ADGRV1: variants seen among roughly 807,000 people sequenced by gnomAD.
ADGRV1 encodes the protein G-protein coupled receptor 98.
A neutral mutation model predicts 596.2 loss-of-function variants in ADGRV1; 359 were observed. That is an observed-to-expected ratio of 0.60 (90% CI 0.55 to 0.66). ADGRV1 has a LOEUF of 0.66. Ranked by LOEUF, ADGRV1 falls within the 30% of genes least tolerant of loss-of-function variation. The pLI, the probability that ADGRV1 is intolerant of heterozygous loss-of-function variation, is 0.00. For synonymous variants in ADGRV1, 2,681 were observed against 2,679.2 expected, an observed-to-expected ratio of 1.00 and a Z score of -0.02; for missense variants, 7,274 against 7,575.6, an observed-to-expected ratio of 0.96 and a Z score of 1.48.
chr5:90,624,614 CATTT>C (rs1454519402), intron 5 of ADGRV1, among the ~76,000 whole-genome samples: 1 of 152,132 alleles, frequency 6.6e-6, no homozygotes, highest in Non-Finnish European at 1.5e-5. Flanking sequence ...CATACCCATT[CATTT>C]ATTTATCATT....
intron 70 of ADGRV1, chr5:90,793,243 T>G (rs994112978): frequency 6.6e-6 from 1 of 152,244 alleles, no homozygotes; most frequent in Non-Finnish European, 1.5e-5. Flanking sequence ...CAGAGTATCA[T>G]TGTATCAAGT....
chr5:90,677,764 C>T (rs563353395), intron 25 of ADGRV1, among the ~76,000 whole-genome samples: 2 of 152,168 alleles, frequency 1.3e-5, no homozygotes, highest in Admixed American at 1.3e-4. Context: ...CTTGCAGTTG[C>T]GTAGGAAGCA....
At chr5:90,686,753 T>A (rs926624104) in intron 29 of ADGRV1, among the ~76,000 whole-genome samples, 9 of 152,178 alleles carry the variant, frequency 5.9e-5, no homozygotes, top group African/African-American at 2.2e-4. Flanking sequence ...CTGGGTCAGA[T>A]GGTATTTCTA....
At chr5:91,026,960 G>A (rs2151209341) in intron 85 of ADGRV1, among the ~76,000 whole-genome samples, 1 of 151,974 alleles carries the variant, frequency 6.6e-6, no homozygotes, top group South Asian at 2.1e-4. Flanking sequence ...GGGCTAACAT[G>A]GAAAAACTCC....
intron 22 of ADGRV1, 131 bp downstream of exon 22, chr5:90,672,853 C>T: frequency 1.5e-6 from 1 of 655,152 alleles, no homozygotes; most frequent in Non-Finnish European, 2.5e-6. Context: ...GTAACTGATA[C>T]ATTAGAATTT....
intron 77 of ADGRV1, among the ~76,000 whole-genome samples, chr5:90,834,380 T>C (rs1764779395): frequency 6.6e-6 from 1 of 152,178 alleles, no homozygotes; most frequent in African/African-American, 2.4e-5. Flanking sequence ...GTCTTTCTCC[T>C]TCATGTTTGA....
intron 52 of ADGRV1, among the ~76,000 whole-genome samples, chr5:90,748,724 T>C (rs1439690133): frequency 6.6e-6 from 1 of 152,118 alleles, no homozygotes; most frequent in Non-Finnish European, 1.5e-5. Flanking sequence ...GATGGAAAAT[T>C]GCAGCTCCCC....
chr5:90,688,719 T>G (rs1746044153), intron 29 of ADGRV1, among the ~76,000 whole-genome samples: 1 of 152,200 alleles, frequency 6.6e-6, no homozygotes, highest in Non-Finnish European at 1.5e-5. Flanking sequence ...ATGACCAAAA[T>G]ATGCACAAAT....
At chr5:90,823,234 A>G (rs1763756761) in intron 75 of ADGRV1, among the ~76,000 whole-genome samples, 191 bp from the exon 76 acceptor site, 1 of 152,220 alleles carries the variant, frequency 6.6e-6, no homozygotes. Context: ...CTGAGGCTTA[A>G]TCCTCTTATC....
intron 1 of ADGRV1, among the ~76,000 whole-genome samples, chr5:90,588,861 T>G (rs1231099567): frequency 6.6e-6 from 1 of 152,128 alleles, no homozygotes; most frequent in Non-Finnish European, 1.5e-5. Flanking sequence ...AAGTGAGAAG[T>G]TGAAGTAAAC....
At position 90,692,686 on chromosome 5, in the gene ADGRV1, A is replaced by G; in HGVS notation, c.7033A>G (p.Asn2345Asp). The G allele has an allele frequency of 6.2e-7, 1 of 1,611,484 alleles. No homozygotes were observed. The highest frequency in any genetic ancestry group is 2.2e-5 in the East Asian group (1 of 44,808). ...AATTGCAAATATTATTATTCCTGCCAATGATGATCCTTATGGTACAGTAGC... is the reference window on the plus strand; with the variant it reads ...AATTGCAAATATTATTATTCCTGCCGATGATGATCCTTATGGTACAGTAGC... ...DRIANIIIPA[N>D]DDPYGTVAFA... is the part of the protein sequence containing the mutation. The change falls in exon 32 of 90, where the codon AAT (asparagine) becomes GAT (aspartate). Residue 2345 changes from asparagine to aspartate, a missense_variant. This residue lies in a region of ADGRV1 where 3,643 missense variants were observed against 3,809.2 expected (regional missense o/e 0.96). Transcript: ENST00000405460.
chr5:91,103,866 G>C (rs538378994), intron 87 of ADGRV1, among the ~76,000 whole-genome samples: 2 of 152,288 alleles, frequency 1.3e-5, no homozygotes, highest in South Asian at 4.1e-4. Flanking sequence ...AGCCAAGGCT[G>C]CAAGAAGGGA....
chr5:90,721,459 G>C (rs973487318), intron 45 of ADGRV1, among the ~76,000 whole-genome samples: 2 of 150,222 alleles, frequency 1.3e-5, no homozygotes, highest in Non-Finnish European at 2.9e-5. Flanking sequence ...AGCCGAGATC[G>C]TGCCACTGCA....
In ADGRV1 at chr5:91,102,200, CTT is replaced by C. The variant is rs140911567; in HGVS notation, c.18311-10_18311-9del. 2.1e-6 allele frequency: 3 copies of C among 1,414,700 alleles called. No homozygotes were observed. The highest frequency in any genetic ancestry group is 2.6e-5 in the South Asian group (2 of 76,148). 87.6% of individuals were successfully genotyped at this position (1,414,700 alleles called of 1,614,324 possible). On this transcript the variant is annotated splice_polypyrimidine_tract_variant and intron_variant, in intron 86 of 89. Coordinates refer to ENST00000405460, the MANE Select transcript of ADGRV1 (RefSeq NM_032119.4). ...TGCAGTATTCTGAAGCTCAAAAATT[CTT>C]TTTTTTTTATTTCTAGAAATTCCAC...
chr5:90,960,956 G>T (rs760789601), intron 83 of ADGRV1, among the ~76,000 whole-genome samples: 1 of 152,072 alleles, frequency 6.6e-6, no homozygotes, highest in African/African-American at 2.4e-5. Context: ...CACAAGCAGC[G>T]CTAATACTCT....
At chr5:91,031,050 G>T in intron 85 of ADGRV1, 1 of 1,507,012 alleles carries the variant, frequency 6.6e-7, no homozygotes. Flanking sequence ...GGTGGCGATT[G>T]CAAATAACTG....
chr5:90,942,273 G>A (rs983076168), intron 83 of ADGRV1, among the ~76,000 whole-genome samples: 2 of 152,188 alleles, frequency 1.3e-5, no homozygotes, highest in African/African-American at 4.8e-5. Context: ...ATGCCAGGTA[G>A]TAATCAATTA....
At chr5:90,715,804 T>C (rs1266519306) in intron 42 of ADGRV1, among the ~76,000 whole-genome samples, 1 of 152,150 alleles carries the variant, frequency 6.6e-6, no homozygotes, top group Admixed American at 6.5e-5. Flanking sequence ...CCTTCAATCA[T>C]AGGTTCTGTA....
chr5:91,105,325 C>T (rs1467422281), intron 87 of ADGRV1, among the ~76,000 whole-genome samples: 1 of 152,138 alleles, frequency 6.6e-6, no homozygotes, highest in Non-Finnish European at 1.5e-5. Flanking sequence ...CTTCAATACA[C>T]TGATTTTCTT....
Sources: gnomAD v4.1 joint callset for allele counts (sites outside exome capture counted in the v4.1 genomes callset) on GRCh38, gnomAD v4.1.1 for gene constraint, gnomAD v4.1.1 regional missense constraint, MANE v1.5 for transcripts, NCBI Gene and HGNC (gene_info 2026-07-23, HGNC 2026-07-21) for gene names.